Variants in MTR observed in about 807,000 individuals in gnomAD.
The protein encoded by MTR is 5-methyltetrahydrofolate-homocysteine methyltransferase.
MTR carries 84 observed loss-of-function variants against 154.8 expected under a neutral mutation model. That is an observed-to-expected ratio of 0.54 (90% CI 0.45 to 0.65). The LOEUF (loss-of-function observed/expected upper bound fraction) is 0.65, where lower values mean the gene tolerates loss of function less well. Among genes scored for constraint, MTR ranks in the 30% least tolerant of loss-of-function variants. MTR has a pLI of 0.00. For synonymous variants in MTR, 554 were observed against 553.9 expected (o/e 1.00, Z 0.00); for missense variants, 1,275 against 1,570.2 (o/e 0.81, Z 3.18).
rs577531753 is a variant in MTR, at chr1:236,800,900, T to C, written c.35-2528T>C. On this transcript the variant is annotated intron_variant, in intron 1 of 32. Transcript: ENST00000366577. ...GATGTTTCCTCATCTTGCTGAAGCA[T>C]GGAGAGGACTTGTCTAAAATCCCAT... Among the ~76,000 whole-genome samples, 4 of 152,328 alleles carry C rather than the reference T, an allele frequency of 2.6e-5. No homozygotes were observed. In the South Asian group the frequency reaches 8.3e-4, roughly 32 times the overall value.
intron 1 of MTR, among the ~76,000 whole-genome samples, chr1:236,798,718 CAG>C (rs1162500927): frequency 6.6e-6 from 1 of 152,180 alleles, no homozygotes; most frequent in Non-Finnish European, 1.5e-5. Context: ...GAAAGATAAT[CAG>C]AAAGAATCTG....
Position 236,879,073 on chromosome 1 carries a change from G to A in MTR, c.2595-1682G>A, listed in dbSNP as rs140003850. 5.9e-5 allele frequency among the ~76,000 whole-genome samples: 9 copies of A among 152,320 alleles called. No homozygotes were observed. In the East Asian group the frequency reaches 9.6e-4, roughly 16 times the overall value. ...GAGTTTTTAGAGCCTTCCTTGAGAA[G>A]CCTGTTAAAAACACACTCATGCATA... On this transcript the variant is annotated intron_variant, in intron 24 of 32. Coordinates refer to ENST00000366577, the MANE Select transcript of MTR (RefSeq NM_000254.3).
intron 3 of MTR, among the ~76,000 whole-genome samples, chr1:236,807,157 A>G (rs1174344569): frequency 1.3e-5 from 2 of 152,126 alleles, no homozygotes; most frequent in Non-Finnish European, 2.9e-5. Context: ...AGGAACTGCC[A>G]TACTGCTTTT....
At chr1:236,859,975 A>C (rs1490589830) in intron 19 of MTR, 53 bp downstream of exon 19, 2 of 1,456,592 alleles carry the variant, frequency 1.4e-6, no homozygotes, top group Non-Finnish European at 1.9e-6. Flanking sequence ...TGGCTGACTG[A>C]TCCTGTTGTG....
At position 236,862,071 on chromosome 1, in the gene MTR, C is replaced by T. The variant is rs202158030; in HGVS notation, c.2197-165C>T. Reference sequence around the variant, plus strand: ...GTACCTTATTATTCACTGGCTTTCCCTCTGGGGAGCTTATCCTTTGTTCTG... The same window carrying T: ...GTACCTTATTATTCACTGGCTTTCCTTCTGGGGAGCTTATCCTTTGTTCTG... On this transcript the variant is annotated intron_variant, in intron 20 of 32. Coordinates refer to ENST00000366577, the MANE Select transcript of MTR (RefSeq NM_000254.3). 1.1e-4 allele frequency among the ~76,000 whole-genome samples: 17 copies of T among 152,324 alleles called. No homozygotes were observed. The East Asian group carries it at 3.3e-3, about 29-fold the overall frequency.
chr1:236,816,111 A>G (rs3820573), intron 7 of MTR, among the ~76,000 whole-genome samples: 4,472 of 152,288 alleles, frequency 0.029, 241 homozygotes, highest in East Asian at 0.21. Context: ...GATAAATCCA[A>G]TGTTTAACAG....
chr1:236,880,735 T>C lies in MTR; in HGVS notation c.2595-20T>C. ...TGTCAGTGCTGATGGATATATTTTC[T>C]TTCTGACCCTTCTTTTTAGAACCCA... On this transcript the variant is annotated intron_variant, in intron 24 of 32. Transcript: ENST00000366577. The C allele has an allele frequency of 6.2e-7, 1 of 1,605,954 alleles. No individual in the cohort carries two copies. The highest frequency in any genetic ancestry group is 8.5e-7 in the Non-Finnish European group (1 of 1,172,502).
chr1:236,887,806 C>T (rs1010572288), intron 27 of MTR, among the ~76,000 whole-genome samples: 4 of 152,320 alleles, frequency 2.6e-5, no homozygotes, highest in African/African-American at 9.6e-5. Context: ...TTTTCTTTTA[C>T]GGCCCTGATG....
chr1:236,800,519 A>G (rs1401275192), intron 1 of MTR: 6 of 966,522 alleles, frequency 6.2e-6, no homozygotes. Context: ...CCTCCTGTGA[A>G]ATTATCTACA....
At chr1:236,851,833 T>C (rs965658931) in intron 16 of MTR, among the ~76,000 whole-genome samples, 3 of 152,256 alleles carry the variant, frequency 2.0e-5, no homozygotes, top group Non-Finnish European at 4.4e-5. Flanking sequence ...TTTTTATTAA[T>C]GTATAATATT....
At chr1:236,815,495 A>G (rs1364157200) in intron 6 of MTR, 109 bp from the exon 7 acceptor site, 6 of 1,054,866 alleles carry the variant, frequency 5.7e-6, no homozygotes, top group Non-Finnish European at 8.9e-6. Flanking sequence ...AGCTTGATGT[A>G]TATCTTATCT....
intron 10 of MTR, among the ~76,000 whole-genome samples, chr1:236,826,276 A>G (rs1448952793): frequency 6.6e-6 from 1 of 152,180 alleles, no homozygotes; most frequent in Non-Finnish European, 1.5e-5. Context: ...TAGATAGGCA[A>G]ATCTCCCACT....
In MTR at chr1:236,816,507, G is replaced by T; in HGVS notation, c.728G>T (p.Gly243Val). Residue 243 changes from glycine (G) to valine (V), a missense_variant, in exon 8 of 33, where the codon GGA becomes GTA. Gly to Val is a moderately radical substitution (Grantham distance 109). Transcript: ENST00000366577. ...ACTCTTTCCGGACAGACAGGAGAGG[G>T]ATTTGTCATCAGCGTGTCTCATGGA... Reference protein sequence around the residue: ...GRTLSGQTGEGFVISVSHGEP... With the variant: ...GRTLSGQTGEVFVISVSHGEP... The T allele has an allele frequency of 6.2e-7, 1 of 1,614,144 alleles. No homozygotes were observed.
Position 236,886,350 on chromosome 1 carries a change from T to C in MTR, c.2834T>C (p.Leu945Pro), listed in dbSNP as rs1440254433. ...AAAAGTGGTTTCCAAATGGATTGGC[T>C]GTCTGAACCTCACCCAGGTCTGTTT... is the stretch of plus-strand genomic sequence containing the variant. ...ARKSGFQMDWLSEPHPVKPTF... is the reference protein window; with the variant it reads ...ARKSGFQMDWPSEPHPVKPTF... The change falls in exon 27 of 33, where the codon CTG becomes CCG. Residue 945 changes from leucine (L) to proline (P), a missense_variant. Transcript: ENST00000366577. 1 of 1,614,224 alleles carries C rather than the reference T, an allele frequency of 6.2e-7. No individual in the cohort carries two copies. Among genetic ancestry groups the C allele is most frequent in the Non-Finnish European group, 8.5e-7 (1 of 1,180,018 alleles).
intron 9 of MTR, 26 bp downstream of exon 9, chr1:236,824,245 T>C (rs751414140): frequency 2.0e-6 from 3 of 1,534,732 alleles, no homozygotes; most frequent in South Asian, 1.1e-5. Context: ...GGGTCACACA[T>C]GGGGAGATAA....
At position 236,895,526 on chromosome 1, in the gene MTR, C is replaced by A. The variant is rs1226657558; in HGVS notation, c.3574C>A (p.Leu1192Ile). Residue 1192 changes from leucine (L) to isoleucine (I), a missense_variant, in exon 31 of 33, where the codon CTC becomes ATC. Transcript: ENST00000366577. ...CACCGAGAAGCTCACCATGTGGAGA[C>A]TCGCAGACATCGAGCAGTCTACAGG... ...DHTEKLTMWR[L>I]ADIEQSTGIR... The A allele has an allele frequency of 3.2e-6, 5 of 1,584,950 alleles. No homozygotes were observed. Among genetic ancestry groups the A allele is most frequent in the South Asian group, 1.2e-5 (1 of 86,762 alleles).
Position 236,825,389 on chromosome 1 carries a change from A to G in MTR, c.917A>G (p.Lys306Arg), listed in dbSNP as rs956819361. 6.2e-7 allele frequency: 1 copy of G among 1,613,286 alleles called. No homozygotes were observed. The highest frequency in any genetic ancestry group is 1.3e-5 in the African/African-American group (1 of 74,914). Residue 306 changes from lysine to arginine, a missense_variant, in exon 10 of 33, where the codon AAG (lysine) becomes AGG (arginine). Lys to Arg is a conservative substitution (Grantham distance 26). Transcript: ENST00000366577. The stretch of plus-strand genomic sequence containing the variant: ...GATGAAACGCCTTCTATGATGGCCA[A>G]GCACCTAAAGGTCAGGGGTCCCCCT... Reference protein sequence around the residue: ...DYDETPSMMAKHLKDFAMDGL... With the variant: ...DYDETPSMMARHLKDFAMDGL...
chr1:236,826,802 T>C (rs1662313759), intron 10 of MTR, 27 bp from the exon 11 acceptor site: 1 of 1,608,278 alleles, frequency 6.2e-7, no homozygotes, highest in African/African-American at 1.3e-5. Context: ...GTGAACTTGC[T>C]GAAACTTTGT....
chr1:236,883,431 C>A (rs1437171486), intron 25 of MTR, among the ~76,000 whole-genome samples: 5 of 152,260 alleles, frequency 3.3e-5, no homozygotes, highest in Admixed American at 2.6e-4. Context: ...TATGTTCTGT[C>A]TACACAATAG....
Sources: allele counts gnomAD v4.1 joint callset (sites outside exome capture counted in the v4.1 genomes callset), GRCh38; gene constraint gnomAD v4.1.1; transcripts MANE v1.5; gene names NCBI Gene and HGNC (gene_info 2026-07-23, HGNC 2026-07-21).